Variants in CHRM3 observed in about 807,000 individuals in gnomAD.
The protein encoded by CHRM3 is cholinergic receptor muscarinic 3, also known as muscarinic acetylcholine receptor M3.
A neutral mutation model predicts 41.8 loss-of-function variants in CHRM3; 11 were observed. That is an observed-to-expected ratio of 0.26 (90% CI 0.17 to 0.44). The LOEUF (loss-of-function observed/expected upper bound fraction) is 0.44. CHRM3 is among the 20% of genes least tolerant of loss of function. The probability of loss-of-function intolerance (pLI) is 1.00; values close to 1 mark genes in which losing one functional copy is unlikely to be tolerated. For synonymous variants in CHRM3, 297 were observed against 301.4 expected, an observed-to-expected ratio of 0.99 and a Z score of 0.15; for missense variants, 571 against 745.4, an observed-to-expected ratio of 0.77 and a Z score of 2.72.
intron 1 of CHRM3, among the ~76,000 whole-genome samples, chr1:239,457,093 C>T (rs535842656): frequency 3.9e-5 from 6 of 152,248 alleles, no homozygotes; most frequent in South Asian, 4.1e-4. Flanking sequence ...GCATCTTTGA[C>T]GTTTGCATCA....
intron 3 of CHRM3, among the ~76,000 whole-genome samples, chr1:239,570,904 C>T (rs964505941): frequency 8.6e-5 from 13 of 151,928 alleles, no homozygotes; most frequent in Admixed American, 2.0e-4. Context: ...ACAAAAACAG[C>T]GAGAAGTAAA....
intron 1 of CHRM3, among the ~76,000 whole-genome samples, chr1:239,469,597 C>T (rs1191765792): frequency 2.0e-5 from 3 of 152,084 alleles, no homozygotes; most frequent in Non-Finnish European, 4.4e-5. Flanking sequence ...CTCTCTGCTG[C>T]CCAGGCTGGA....
At chr1:239,636,079 T>C (rs1670433054) in intron 4 of CHRM3, among the ~76,000 whole-genome samples, 1 of 152,188 alleles carries the variant, frequency 6.6e-6, no homozygotes, top group South Asian at 2.1e-4. Context: ...CTTTACTCAG[T>C]GGCATTTCTG....
At chr1:239,887,193 T>C (rs1678144607) in intron 6 of CHRM3, among the ~76,000 whole-genome samples, 1 of 151,946 alleles carries the variant, frequency 6.6e-6, no homozygotes. Context: ...TCATGAGTGC[T>C]CAAAAAGCTT....
chr1:239,442,148 T>C (rs915018054), intron 1 of CHRM3, among the ~76,000 whole-genome samples: 2 of 150,412 alleles, frequency 1.3e-5, no homozygotes, highest in African/African-American at 2.5e-5. Flanking sequence ...TACGTTAGGT[T>C]TTTTTTTTTG....
chr1:239,404,410 A>AAGAG (rs1210507333), intron 1 of CHRM3, among the ~76,000 whole-genome samples: 979 of 51,732 alleles, frequency 0.019, 55 homozygotes, highest in East Asian at 0.068. Flanking sequence ...GAAAGAAAGA[A>AAGAG]AAAGAAAGAA....
At chr1:239,822,352 A>G (rs1328662061) in intron 5 of CHRM3, among the ~76,000 whole-genome samples, 1 of 152,220 alleles carries the variant, frequency 6.6e-6, no homozygotes, top group East Asian at 1.9e-4. Flanking sequence ...GGATGGAGAA[A>G]TAACTTAAAG....
At chr1:239,513,621 T>C (rs1669069447) in intron 2 of CHRM3, among the ~76,000 whole-genome samples, 1 of 152,330 alleles carries the variant, frequency 6.6e-6, no homozygotes, top group East Asian at 1.9e-4. Flanking sequence ...AGCAGAAGCT[T>C]TTAATTTTAA....
chr1:239,577,875 G>A (rs1330107980), intron 3 of CHRM3, among the ~76,000 whole-genome samples: 4 of 151,986 alleles, frequency 2.6e-5, no homozygotes, highest in Non-Finnish European at 4.4e-5. Flanking sequence ...AGTGCCCATG[G>A]CAAGCATACG....
intron 4 of CHRM3, among the ~76,000 whole-genome samples, chr1:239,671,866 G>A (rs996622992): frequency 6.6e-6 from 1 of 152,112 alleles, no homozygotes; most frequent in Non-Finnish European, 1.5e-5. Context: ...ATTACATCTA[G>A]CCTCAGTCTC....
chr1:239,474,059 AT>A (rs1666309562), intron 1 of CHRM3, among the ~76,000 whole-genome samples: 1 of 152,076 alleles, frequency 6.6e-6, no homozygotes, highest in South Asian at 2.1e-4. Context: ...ATTTTTAAAT[AT>A]TATATACATA....
intron 5 of CHRM3, among the ~76,000 whole-genome samples, chr1:239,767,408 T>G (rs1667312802): frequency 6.6e-6 from 1 of 152,170 alleles, no homozygotes. Flanking sequence ...TGGACTTGTA[T>G]AAAACATCTT....
rs144686709 is a variant in CHRM3, at chr1:239,401,712, C to T, written c.-521+14485C>T. Among the ~76,000 whole-genome samples, 753 of 152,162 alleles carry T rather than the reference C, an allele frequency of 4.9e-3. 6 individuals carry two copies. Among genetic ancestry groups the T allele is most frequent in the South Asian group, 0.016 (76 of 4,820 alleles). On this transcript the variant is annotated intron_variant, in intron 1 of 6. Transcript: ENST00000676153. ...TTCACCATGTTGGCCAGGATGGTCT[C>T]GATCTCTTGACCTCAGGCGATCCAC... is the stretch of plus-strand genomic sequence containing the variant.
chr1:239,656,825 T>C (rs1672762374), intron 4 of CHRM3, among the ~76,000 whole-genome samples: 1 of 152,126 alleles, frequency 6.6e-6, no homozygotes, highest in Admixed American at 6.5e-5. Flanking sequence ...TATAGTTTCT[T>C]TGTTTTATTT....
chr1:239,695,482 C>T (rs2148029690), intron 5 of CHRM3, among the ~76,000 whole-genome samples: 1 of 152,082 alleles, frequency 6.6e-6, no homozygotes, highest in Non-Finnish European at 1.5e-5. Flanking sequence ...ATTTATTTTG[C>T]TTCACTTTCA....
intron 3 of CHRM3, among the ~76,000 whole-genome samples, chr1:239,608,687 G>A (rs1189790345): frequency 5.3e-5 from 8 of 152,122 alleles, no homozygotes; most frequent in Admixed American, 6.6e-5. Flanking sequence ...ACAGGAACAC[G>A]AACGAAGGTC....
intron 1 of CHRM3, among the ~76,000 whole-genome samples, chr1:239,396,960 A>G (rs1368566844): frequency 2.6e-5 from 4 of 152,218 alleles, no homozygotes; most frequent in Admixed American, 6.5e-5. Flanking sequence ...TGGCCTAGCA[A>G]TGTAGAAATA....
intron 5 of CHRM3, among the ~76,000 whole-genome samples, chr1:239,688,627 A>AATATATAATATATATAATATAATATATT (rs1349296998): frequency 7.5e-6 from 1 of 132,848 alleles, no homozygotes; most frequent in South Asian, 2.2e-4. Flanking sequence ...TACTCAGTAT[A>AATATATAATATATATAATATAATATATT]ATACATAATA....
intron 5 of CHRM3, among the ~76,000 whole-genome samples, chr1:239,768,008 TA>T (rs1667359700): frequency 2.6e-5 from 4 of 152,128 alleles, no homozygotes; most frequent in Admixed American, 2.0e-4. Flanking sequence ...AGCAATGTTC[TA>T]AAGAACAATA....
Sources: allele counts gnomAD v4.1 joint callset (sites outside exome capture counted in the v4.1 genomes callset), GRCh38; gene constraint gnomAD v4.1.1; transcripts MANE v1.5; gene names NCBI Gene and HGNC (gene_info 2026-07-23, HGNC 2026-07-21).